Variants in MTERF3 observed in about 807,000 individuals in gnomAD.
MTERF3 encodes mitochondrial transcription termination factor 3.
Under a neutral mutation model 40.5 loss-of-function variants are expected in MTERF3, and 40 were observed. That is an observed-to-expected ratio of 0.99 (90% CI 0.77 to 1.29). The LOEUF (loss-of-function observed/expected upper bound fraction) is 1.29, where lower values mean the gene tolerates loss of function less well. Ranked by LOEUF, MTERF3 falls within the 50% of genes most tolerant of loss-of-function variation. MTERF3 has a pLI of 0.00. For synonymous variants in MTERF3, 158 were observed against 166.6 expected, an observed-to-expected ratio of 0.95 and a Z score of 0.40; for missense variants, 452 against 478.2, an observed-to-expected ratio of 0.95 and a Z score of 0.51.
chr8:96,258,229 A>G, intron 2 of MTERF3, 128 bp downstream of exon 2: 1 of 1,405,468 alleles, frequency 7.1e-7, no homozygotes, highest in Middle Eastern at 2.6e-4. Flanking sequence ...CATCAATAGA[A>G]CTGGTATTAT....
In MTERF3 at chr8:96,246,301, C is replaced by G; in HGVS notation, c.825+6G>C. 1 of 1,587,850 alleles carries G rather than the reference C, an allele frequency of 6.3e-7. No homozygotes were observed. The highest frequency in any genetic ancestry group is 8.5e-7 in the Non-Finnish European group (1 of 1,173,150). ...GGAAATAAACAAATTCTCTCCTTTT[C>G]TTTACCTTCTTCACACTAAGTTCAA... On this transcript the variant is annotated splice_donor_region_variant and intron_variant, in intron 5 of 7. Coordinates refer to ENST00000287025, the MANE Select transcript of MTERF3 (RefSeq NM_015942.5).
intron 4 of MTERF3, among the ~76,000 whole-genome samples, chr8:96,249,676 G>C (rs752620533): frequency 1.2e-4 from 18 of 152,194 alleles, no homozygotes; most frequent in Non-Finnish European, 2.2e-4. Flanking sequence ...CAACATCAGT[G>C]TGGAGAACAG....
chr8:96,251,057 C>A lies in MTERF3; in HGVS notation c.526G>T (p.Ala176Ser), dbSNP rs1810176262. Residue 176 changes from alanine to serine, a missense_variant, in exon 4 of 8, where the codon GCA becomes TCA. By Grantham distance (99) the Ala-to-Ser change is moderately conservative (BLOSUM62 1). Coordinates refer to ENST00000287025, the MANE Select transcript of MTERF3 (RefSeq NM_015942.5). ...AAATCCAGTCTCAGAAGGAGGTTTGCTGCTTCTGGATGTTTTTCTATCTTG... is the reference window on the plus strand; with the variant it reads ...AAATCCAGTCTCAGAAGGAGGTTTGATGCTTCTGGATGTTTTTCTATCTTG... ...LSKIEKHPEA[A>S]NLLLRLDFEK... 1.3e-6 allele frequency: 2 copies of A among 1,592,794 alleles called. No homozygotes were observed. Among genetic ancestry groups the A allele is most frequent in the South Asian group, 2.3e-5 (2 of 86,300 alleles).
At chr8:96,244,815 G>C (rs1809993556) in intron 6 of MTERF3, among the ~76,000 whole-genome samples, 1 of 152,176 alleles carries the variant, frequency 6.6e-6, no homozygotes, top group Non-Finnish European at 1.5e-5. Context: ...CCTCTGCTGA[G>C]AAAGAGCTAC....
chr8:96,259,516 G>A (rs1810341327), intron 1 of MTERF3, among the ~76,000 whole-genome samples: 1 of 152,212 alleles, frequency 6.6e-6, no homozygotes, highest in South Asian at 2.1e-4. Flanking sequence ...GGAAAGGCTA[G>A]TGCTATGTTA....
In MTERF3 at chr8:96,258,665, G is replaced by C; in HGVS notation, c.26C>G (p.Pro9Arg). Residue 9 changes from proline to arginine, a missense_variant, in exon 2 of 8, where the codon CCC (proline) becomes CGC (arginine). By Grantham distance (103) the Pro-to-Arg change is moderately radical (BLOSUM62 -2). Transcript: ENST00000287025. ...CAACTTAACTGAGTTAAACCATCTG[G>C]GTATCTGTTGGGCTGACAAAGCCAT... is the stretch of plus-strand genomic sequence containing the variant. The part of the protein sequence containing the change: MALSAQQI[P>R]RWFNSVKLRS... The C allele has an allele frequency of 6.2e-7, 1 of 1,609,072 alleles. No homozygotes were observed. The highest frequency in any genetic ancestry group is 1.3e-5 in the African/African-American group (1 of 74,868).
chr8:96,259,131 A>C (rs1403395314), intron 1 of MTERF3, among the ~76,000 whole-genome samples: 1 of 152,248 alleles, frequency 6.6e-6, no homozygotes, highest in African/African-American at 2.4e-5. Context: ...ATTGCTGATC[A>C]AAGTAACACT....
intron 7 of MTERF3, 39 bp downstream of exon 7, chr8:96,243,880 A>G: frequency 6.3e-7 from 1 of 1,593,622 alleles, no homozygotes; most frequent in Non-Finnish European, 8.6e-7. Flanking sequence ...AATGAAGCGC[A>G]ATGGCAGCGC....
At chr8:96,257,909 T>C (rs1222683007) in intron 2 of MTERF3, among the ~76,000 whole-genome samples, 3 of 152,184 alleles carry the variant, frequency 2.0e-5, no homozygotes, top group African/African-American at 4.8e-5. Context: ...AAGGAGAGGA[T>C]TGACTAAAAA....
At chr8:96,250,536 C>T (rs970509124) in intron 4 of MTERF3, among the ~76,000 whole-genome samples, 1 of 142,108 alleles carries the variant, frequency 7.0e-6, no homozygotes, top group Non-Finnish European at 1.6e-5. Context: ...TGTGGCGAAA[C>T]CCCATCTCTC....
At chr8:96,239,913 T>C (rs1347849940) in intron 7 of MTERF3, 2 of 679,166 alleles carry the variant, frequency 2.9e-6, no homozygotes, top group Non-Finnish European at 5.3e-6. Context: ...TTCAGGGCTA[T>C]ACTGTGTGCA....
At position 96,239,625 on chromosome 8, in the gene MTERF3, T is replaced by C. The variant is rs757458162; in HGVS notation, c.1120A>G (p.Arg374Gly). ...ERHLFLTYLG[R>G]AQYDPAKPNY... ...GGTTTTGCTGGATCATACTGTGCTCTTCCTAAATAGGTAAGAAACAAGTGT... is the reference window on the plus strand; with the variant it reads ...GGTTTTGCTGGATCATACTGTGCTCCTCCTAAATAGGTAAGAAACAAGTGT... Residue 374 changes from arginine (R) to glycine (G), a missense_variant, in exon 8 of 8, where the codon AGA becomes GGA. Arg to Gly is a moderately radical substitution (Grantham distance 125). Transcript: ENST00000287025. The C allele has an allele frequency of 1.9e-6, 3 of 1,610,096 alleles. No individual in the cohort carries two copies. Among genetic ancestry groups the C allele is most frequent in the Admixed American group, 3.4e-5 (2 of 58,626 alleles).
intron 1 of MTERF3, among the ~76,000 whole-genome samples, chr8:96,261,258 CA>C (rs1218777528): frequency 6.6e-6 from 1 of 152,216 alleles, no homozygotes; most frequent in Non-Finnish European, 1.5e-5. Flanking sequence ...TTCAGTTCCC[CA>C]AACTTGCGCA....
chr8:96,253,356 C>T (rs1810220567), intron 3 of MTERF3, among the ~76,000 whole-genome samples: 1 of 152,110 alleles, frequency 6.6e-6, no homozygotes, highest in Non-Finnish European at 1.5e-5. Context: ...GAGGCAGGTA[C>T]AGGACCCAAA....
chr8:96,242,193 T>C lies in MTERF3; in HGVS notation c.1059+1726A>G, dbSNP rs1369765132. Among the ~76,000 whole-genome samples the C allele has an allele frequency of 3.9e-5, 6 of 152,238 alleles. No homozygotes were observed. The East Asian group carries it at 9.6e-4, about 24-fold the overall frequency. ...TGTATTTTTTCATTAATAAGCTTTT[T>C]ATTTTTCTGTTTTTATTCCCCAATA... On this transcript the variant is annotated intron_variant, in intron 7 of 7. Transcript: ENST00000287025.
Position 96,239,496 on chromosome 8 carries a change from G to C in MTERF3, c.1249C>G (p.Leu417Val), listed in dbSNP as rs145439422. The C allele has an allele frequency of 6.3e-6, 10 of 1,587,136 alleles. No homozygotes were observed. Among genetic ancestry groups the C allele is most frequent in the Non-Finnish European group, 8.5e-6 (10 of 1,171,024 alleles). ...ATTTTAACATACATAAAAATCTAAAGCGTTTTTAAGAATTTTTCAAAGTCC... is the reference window on the plus strand; with the variant it reads ...ATTTTAACATACATAAAAATCTAAACCGTTTTTAAGAATTTTTCAAAGTCC... ...VQDFEKFLKT[L>V] Residue 417 changes from leucine to valine, a missense_variant, in exon 8 of 8, where the codon CTT becomes GTT. Coordinates refer to ENST00000287025, the MANE Select transcript of MTERF3 (RefSeq NM_015942.5).
Position 96,243,951 on chromosome 8 carries a change from T to A in MTERF3, c.1027A>T (p.Ile343Phe). Residue 343 changes from isoleucine (I) to phenylalanine (F), a missense_variant, in exon 7 of 8, where the codon ATT becomes TTT. By Grantham distance (21) the Ile-to-Phe change is conservative (BLOSUM62 0). Coordinates refer to ENST00000287025, the MANE Select transcript of MTERF3 (RefSeq NM_015942.5). ...TFDFVHNVMS[I>F]PHHIIVKFPQ... The stretch of plus-strand genomic sequence containing the variant: ...AACTTGACAATGATGTGGTGGGGAA[T>A]GCTCATCACATTGTGCACAAAATCA... The A allele has an allele frequency of 3.1e-6, 5 of 1,614,130 alleles. No individual in the cohort carries two copies. The highest frequency in any genetic ancestry group is 4.2e-6 in the Non-Finnish European group (5 of 1,180,018).
rs770053146 is a variant in MTERF3, at chr8:96,250,934, A to G, written c.649T>C (p.Ser217Pro). ...GTCTTCAGATTTTCAAGGTCTTCAG[A>G]GAAAATTGCATGATTTTTTGTCAGG... The part of the protein sequence containing the change: ...AFLTKNHAIF[S>P]EDLENLKTRV... Residue 217 changes from serine (S) to proline (P), a missense_variant, in exon 4 of 8, where the codon TCT (serine) becomes CCT (proline). Coordinates refer to ENST00000287025, the MANE Select transcript of MTERF3 (RefSeq NM_015942.5). The G allele has an allele frequency of 2.5e-6, 4 of 1,609,530 alleles. No individual in the cohort carries two copies. In the African/African-American group the frequency reaches 5.4e-5, roughly 22 times the overall value.
At chr8:96,256,522 T>C (rs2129942630) in intron 3 of MTERF3, among the ~76,000 whole-genome samples, 1 of 152,308 alleles carries the variant, frequency 6.6e-6, no homozygotes, top group Admixed American at 6.5e-5. Flanking sequence ...AGGTAAATAA[T>C]GATAGCATAC....
Sources: allele counts gnomAD v4.1 joint callset (sites outside exome capture counted in the v4.1 genomes callset), GRCh38; gene constraint gnomAD v4.1.1; transcripts MANE v1.5; gene names NCBI Gene and HGNC (gene_info 2026-07-23, HGNC 2026-07-21).